The following SDK1 variants were observed in gnomAD, a reference collection of about 807,000 sequenced individuals.
SDK1 encodes the protein sidekick cell adhesion molecule 1, also known as protein sidekick-1.
SDK1 carries 157 observed loss-of-function variants against 245.5 expected under a neutral mutation model. The observed-to-expected ratio is 0.64, with a 90% CI of 0.56 to 0.73. The LOEUF (loss-of-function observed/expected upper bound fraction) is 0.73, where lower values mean the gene tolerates loss of function less well. Among genes scored for constraint, SDK1 ranks in the 30% least tolerant of loss-of-function variants. The pLI, the probability that SDK1 is intolerant of heterozygous loss-of-function variation, is 0.00. For missense variants in SDK1, 3,583 were observed against 3,002.3 expected (o/e 1.19, Z -4.52); for synonymous variants, 1,647 against 1,278.5 (o/e 1.29, Z -6.15).
At chr7:3,599,983 C>G (rs1375786423) in intron 1 of SDK1, among the ~76,000 whole-genome samples, 6 of 152,116 alleles carry the variant, frequency 3.9e-5, no homozygotes. Flanking sequence ...GGTATTTGGA[C>G]AATAATTCCA....
At chr7:3,631,114 A>C (rs1311831515) in intron 2 of SDK1, among the ~76,000 whole-genome samples, 1 of 152,000 alleles carries the variant, frequency 6.6e-6, no homozygotes, top group Non-Finnish European at 1.5e-5. Flanking sequence ...TTGTATTTTT[A>C]ATACAGACAG....
At position 3,818,184 on chromosome 7, in the gene SDK1, T is replaced by C. The variant is rs570623828; in HGVS notation, c.714-3266T>C. Among the ~76,000 whole-genome samples the C allele has an allele frequency of 2.0e-5, 3 of 152,364 alleles. 1 individual carries two copies. The highest frequency in any genetic ancestry group is 7.2e-5 in the African/African-American group (3 of 41,588). On this transcript the variant is annotated intron_variant, in intron 4 of 44. Coordinates refer to ENST00000404826, the MANE Select transcript of SDK1 (RefSeq NM_152744.4). ...TGGGGGAAGACTAAGGAAGTAATTT[T>C]ATTTAAAGCCACACATACATTTGTT... is the stretch of plus-strand genomic sequence containing the variant.
At chr7:4,171,278 T>G (rs1202272817) in intron 32 of SDK1, among the ~76,000 whole-genome samples, 1 of 152,188 alleles carries the variant, frequency 6.6e-6, no homozygotes, top group East Asian at 1.9e-4. Flanking sequence ...CTGTGCTGGC[T>G]CACTTTCTGC....
intron 1 of SDK1, among the ~76,000 whole-genome samples, chr7:3,569,211 A>G (rs1780026959): frequency 1.3e-5 from 2 of 152,246 alleles, no homozygotes; most frequent in African/African-American, 4.8e-5. Context: ...CCAGTAAGTT[A>G]GAAGCGAGAA....
At chr7:3,686,793 G>T (rs1005986255) in intron 4 of SDK1, among the ~76,000 whole-genome samples, 2 of 152,152 alleles carry the variant, frequency 1.3e-5, no homozygotes, top group African/African-American at 4.8e-5. Flanking sequence ...CTTATGTATG[G>T]AAAGCATTTA....
At chr7:4,194,240 GTA>G (rs572011996) in intron 35 of SDK1, among the ~76,000 whole-genome samples, 7 of 149,666 alleles carry the variant, frequency 4.7e-5, no homozygotes, top group African/African-American at 1.5e-4. Flanking sequence ...GTGTATACAT[GTA>G]TAGATATATG....
rs552600622 is a variant in SDK1, at chr7:3,667,521, C to A, written c.713+25416C>A. 8.5e-5 allele frequency among the ~76,000 whole-genome samples: 13 copies of A among 152,282 alleles called. No homozygotes were observed. The South Asian group carries it at 2.3e-3, about 27-fold the overall frequency. On this transcript the variant is annotated intron_variant, in intron 4 of 44. Transcript: ENST00000404826. ...AGCTTGATGAATTTTGACAAACATA[C>A]AGTGTTGATCCACTACCACAATCAT... is the stretch of plus-strand genomic sequence containing the variant.
At chr7:4,171,375 G>C (rs532707984) in intron 32 of SDK1, among the ~76,000 whole-genome samples, 1 of 152,262 alleles carries the variant, frequency 6.6e-6, no homozygotes, top group African/African-American at 2.4e-5. Flanking sequence ...CAGCGCCGGG[G>C]AGGGAGCGGG....
rs943652622 is a variant in SDK1, at chr7:4,019,109, A to T, written c.2602+1757A>T. On this transcript the variant is annotated intron_variant, in intron 17 of 44. Coordinates refer to ENST00000404826, the MANE Select transcript of SDK1 (RefSeq NM_152744.4). ...AACAGGGCTGGGTATAAAAACAGGA[A>T]CAGGCCCAGTGCCTCCTGTACAGTG... Among the ~76,000 whole-genome samples the T allele has an allele frequency of 5.2e-4, 79 of 152,324 alleles. 1 individual carries two copies. The highest frequency in any genetic ancestry group is 6.2e-4 in the South Asian group (3 of 4,824).
intron 1 of SDK1, among the ~76,000 whole-genome samples, chr7:3,444,035 C>T (rs1042835624): frequency 1.3e-5 from 2 of 152,238 alleles, no homozygotes; most frequent in African/African-American, 2.4e-5. Context: ...GGCGGTTGTG[C>T]AGCCTTCCTG....
At chr7:3,389,044 C>G (rs1322270993) in intron 1 of SDK1, among the ~76,000 whole-genome samples, 1 of 152,112 alleles carries the variant, frequency 6.6e-6, no homozygotes, top group Non-Finnish European at 1.5e-5. Flanking sequence ...TTGGAAAGGC[C>G]TCTCAGGAAA....
intron 1 of SDK1, among the ~76,000 whole-genome samples, chr7:3,512,832 G>A (rs1234989020): frequency 6.6e-6 from 1 of 152,070 alleles, no homozygotes; most frequent in African/African-American, 2.4e-5. Flanking sequence ...TTAACGTCAC[G>A]ATGAAATCTT....
In SDK1 at chr7:4,129,961, A is replaced by G. The variant is rs758963524; in HGVS notation, c.3993A>G (p.Arg1331=). The G allele has an allele frequency of 2.5e-6, 4 of 1,613,862 alleles. No individual in the cohort carries two copies. The highest frequency in any genetic ancestry group is 3.4e-6 in the Non-Finnish European group (4 of 1,179,972). ...CCGAGCCCAGGAGCCACATCGTGCGAGGGAACCACACGCAGTCGGCCCTGC... is the reference window on the plus strand; with the variant it reads ...CCGAGCCCAGGAGCCACATCGTGCGGGGGAACCACACGCAGTCGGCCCTGC... ...LDPEPRSHIV[R]GNHTQSALLA... Residue 1331 remains arginine, a synonymous_variant, in exon 27 of 45, where the codon CGA becomes CGG. Coordinates refer to ENST00000404826, the MANE Select transcript of SDK1 (RefSeq NM_152744.4).
intron 1 of SDK1, among the ~76,000 whole-genome samples, chr7:3,487,919 T>G (rs978883582): frequency 6.6e-6 from 1 of 152,142 alleles, no homozygotes; most frequent in Admixed American, 6.5e-5. Context: ...GTATTCAAGT[T>G]TATTAATGTA....
At chr7:3,730,815 T>G (rs914457346) in intron 4 of SDK1, among the ~76,000 whole-genome samples, 1 of 152,148 alleles carries the variant, frequency 6.6e-6, no homozygotes, top group Admixed American at 6.5e-5. Flanking sequence ...AACCCTCTCT[T>G]TGGCAGCTGT....
intron 2 of SDK1, among the ~76,000 whole-genome samples, chr7:3,620,570 T>A (rs1304331227): frequency 6.6e-6 from 1 of 152,206 alleles, no homozygotes. Context: ...GCCAGATTGC[T>A]GGGATTACAG....
rs548758502 is a variant in SDK1 at position 3,629,202 on chromosome 7, G to A, written c.459-9802G>A. The stretch of plus-strand genomic sequence containing the variant: ...TGTAGTCCCATCTACTCGGGAGGCT[G>A]AGGCAGGAGAATGGTGTGAACCCAG... On this transcript the variant is annotated intron_variant, in intron 2 of 44. Transcript: ENST00000404826. Among the ~76,000 whole-genome samples the A allele has an allele frequency of 5.3e-5, 8 of 151,566 alleles. No individual in the cohort carries two copies. In the South Asian group the frequency reaches 1.7e-3, roughly 32 times the overall value.
At chr7:4,169,533 T>TGGAGTGAGC (rs1259207268) in intron 32 of SDK1, among the ~76,000 whole-genome samples, 1 of 152,228 alleles carries the variant, frequency 6.6e-6, no homozygotes, top group Non-Finnish European at 1.5e-5. Context: ...CCTCCAGTTC[T>TGGAGTGAGC]TCCTGGCAGT....
intron 1 of SDK1, among the ~76,000 whole-genome samples, chr7:3,349,585 G>T (rs1251105439): frequency 6.6e-6 from 1 of 152,086 alleles, no homozygotes; most frequent in African/African-American, 2.4e-5. Flanking sequence ...CTGCCTTTTT[G>T]GGCCAGAGTA....
Sources: gnomAD v4.1 joint callset for allele counts (sites outside exome capture counted in the v4.1 genomes callset) on GRCh38, gnomAD v4.1.1 for gene constraint, MANE v1.5 for transcripts, NCBI Gene and HGNC (gene_info 2026-07-23, HGNC 2026-07-21) for gene names.